Variants in PLCB4 observed in about 807,000 individuals in gnomAD.
The protein encoded by PLCB4 is 1-phosphatidylinositol 4,5-bisphosphate phosphodiesterase beta-4.
PLCB4 carries 77 observed loss-of-function variants against 178.8 expected under a neutral mutation model. The ratio of observed to expected loss-of-function variants is 0.43; its 90% CI spans 0.36 to 0.52. PLCB4 has a LOEUF of 0.52. PLCB4 is among the 20% of genes least tolerant of loss of function. The pLI, the probability that PLCB4 is intolerant of heterozygous loss-of-function variation, is 0.00. For synonymous variants in PLCB4, 496 were observed against 490.8 expected (o/e 1.01, Z -0.14); for missense variants, 1,024 against 1,453.4 (o/e 0.70, Z 4.80).
intron 32 of PLCB4, among the ~76,000 whole-genome samples, chr20:9,450,689 C>A (rs1355623968): frequency 1.8e-5 from 2 of 109,624 alleles, no homozygotes; most frequent in Non-Finnish European, 3.4e-5. Flanking sequence ...GAGATGGAGT[C>A]TTGCTCTGTC....
intron 5 of PLCB4, among the ~76,000 whole-genome samples, chr20:9,337,627 A>AATT (rs779079196): frequency 6.6e-6 from 1 of 152,220 alleles, no homozygotes; most frequent in African/African-American, 2.4e-5. Context: ...TTTAATGAAC[A>AATT]ATTGAGCTGA....
chr20:9,376,282 A>G (rs2036664552), intron 12 of PLCB4, among the ~76,000 whole-genome samples: 1 of 152,146 alleles, frequency 6.6e-6, no homozygotes, highest in Admixed American at 6.5e-5. Context: ...GAATTTAACA[A>G]GATCTCCAGG....
chr20:9,364,464 G>A (rs1256977831), intron 8 of PLCB4, among the ~76,000 whole-genome samples: 1 of 152,166 alleles, frequency 6.6e-6, no homozygotes, highest in Non-Finnish European at 1.5e-5. Flanking sequence ...ATTCCTGGAA[G>A]ATTATACTCT....
intron 1 of PLCB4, among the ~76,000 whole-genome samples, chr20:9,071,012 A>G (rs921834939): frequency 3.3e-5 from 5 of 152,154 alleles, no homozygotes; most frequent in Non-Finnish European, 7.4e-5. Context: ...AAAATACTCT[A>G]TTGGAAGTTT....
intron 2 of PLCB4, among the ~76,000 whole-genome samples, chr20:9,215,259 G>A (rs558156629): frequency 5.3e-5 from 8 of 152,176 alleles, no homozygotes; most frequent in East Asian, 3.9e-4. Context: ...CATGGGAGTC[G>A]TATCTTCATT....
chr20:9,349,294 C>A (rs116838980), intron 7 of PLCB4, among the ~76,000 whole-genome samples: 9 of 152,248 alleles, frequency 5.9e-5, no homozygotes, highest in African/African-American at 2.2e-4. Context: ...GGGTTCCTCC[C>A]CATCCCCTCT....
At chr20:9,454,391 C>T (rs1157909761) in intron 33 of PLCB4, among the ~76,000 whole-genome samples, 1 of 152,154 alleles carries the variant, frequency 6.6e-6, no homozygotes. Flanking sequence ...TGAGACCACG[C>T]ATACATTCTA....
chr20:9,190,854 C>T (rs1019134054), intron 2 of PLCB4, among the ~76,000 whole-genome samples: 3 of 152,164 alleles, frequency 2.0e-5, no homozygotes, highest in Admixed American at 1.3e-4. Flanking sequence ...CCCTGAAGCT[C>T]ATGGAGCTTG....
At chr20:9,112,987 G>T (rs940985444) in intron 2 of PLCB4, among the ~76,000 whole-genome samples, 1 of 151,984 alleles carries the variant, frequency 6.6e-6, no homozygotes, top group Non-Finnish European at 1.5e-5. Flanking sequence ...AAAATCTCAT[G>T]CCAAGTCCCT....
intron 29 of PLCB4, among the ~76,000 whole-genome samples, chr20:9,436,187 C>T (rs2041756418): frequency 6.6e-6 from 1 of 152,158 alleles, no homozygotes; most frequent in African/African-American, 2.4e-5. Context: ...CAGGATACCT[C>T]ATTATGTATA....
At chr20:9,411,824 A>T (rs1331426136) in intron 25 of PLCB4, among the ~76,000 whole-genome samples, 1 of 152,170 alleles carries the variant, frequency 6.6e-6, no homozygotes, top group African/African-American at 2.4e-5. Flanking sequence ...ACCACTGCCC[A>T]AAGGCCTGTA....
chr20:9,226,409 G>A (rs568974061), intron 3 of PLCB4, among the ~76,000 whole-genome samples: 26 of 152,272 alleles, frequency 1.7e-4, no homozygotes, highest in African/African-American at 6.3e-4. Flanking sequence ...GCAAGTAGAA[G>A]TTTATTGAAA....
intron 1 of PLCB4, among the ~76,000 whole-genome samples, chr20:9,082,282 A>C (rs1218590159): frequency 6.6e-6 from 1 of 152,206 alleles, no homozygotes; most frequent in Admixed American, 6.5e-5. Flanking sequence ...CAAACAGAGA[A>C]AGCAAGAAAG....
At chr20:9,330,633 C>T (rs918955531) in intron 4 of PLCB4, among the ~76,000 whole-genome samples, 12 of 152,146 alleles carry the variant, frequency 7.9e-5, no homozygotes, top group South Asian at 4.1e-4. Flanking sequence ...TCTCTGAAAC[C>T]GCATTGGCCA....
At chr20:9,212,077 T>C (rs917503734) in intron 2 of PLCB4, among the ~76,000 whole-genome samples, 2 of 152,232 alleles carry the variant, frequency 1.3e-5, no homozygotes, top group Admixed American at 6.5e-5. Context: ...GGCTTGACCA[T>C]GTAACTAGTT....
chr20:9,267,790 G>C (rs564752425), intron 3 of PLCB4, among the ~76,000 whole-genome samples: 73 of 152,256 alleles, frequency 4.8e-4, no homozygotes, highest in Non-Finnish European at 7.5e-4. Context: ...CTTGATTCAT[G>C]ATGGCCCTGC....
chr20:9,317,814 T>C (rs551641239), intron 4 of PLCB4, among the ~76,000 whole-genome samples: 2 of 152,016 alleles, frequency 1.3e-5, no homozygotes, highest in Admixed American at 1.3e-4. Context: ...AAAGAAAGAG[T>C]TTGGGCAGGC....
intron 3 of PLCB4, among the ~76,000 whole-genome samples, chr20:9,299,585 G>T (rs564608752): frequency 9.0e-4 from 137 of 151,970 alleles, no homozygotes; most frequent in Non-Finnish European, 1.6e-3. Context: ...CTTCACAAGA[G>T]TTGTGAATAT....
At chr20:9,332,736 G>A (rs951395686) in intron 4 of PLCB4, among the ~76,000 whole-genome samples, 1 of 152,154 alleles carries the variant, frequency 6.6e-6, no homozygotes, top group African/African-American at 2.4e-5. Context: ...GAGCCAAGTT[G>A]CTATCCTGCT....
Sources: allele counts gnomAD v4.1 joint callset (sites outside exome capture counted in the v4.1 genomes callset), GRCh38; gene constraint gnomAD v4.1.1; transcripts MANE v1.5; gene names NCBI Gene and HGNC (gene_info 2026-07-23, HGNC 2026-07-21).